FBRSL1: variants seen among roughly 807,000 people sequenced by gnomAD.
FBRSL1 encodes fibrosin like 1, also known as fibrosin-1-like protein.
Under a neutral mutation model 89.6 loss-of-function variants are expected in FBRSL1, and 51 were observed. The observed-to-expected ratio is 0.57, with a 90% CI of 0.45 to 0.72. The LOEUF (loss-of-function observed/expected upper bound fraction) is 0.72, where lower values mean the gene tolerates loss of function less well. Among genes scored for constraint, FBRSL1 ranks in the 30% least tolerant of loss-of-function variants. The pLI, the probability that FBRSL1 is intolerant of heterozygous loss-of-function variation, is 0.00. For synonymous variants in FBRSL1, 779 were observed against 681.1 expected (o/e 1.14, Z -2.24); for missense variants, 1,618 against 1,451.8 (o/e 1.11, Z -1.86).
At chr12:132,580,197 C>T (rs2040650051) in intron 15 of FBRSL1, among the ~76,000 whole-genome samples, 1 of 152,230 alleles carries the variant, frequency 6.6e-6, no homozygotes, top group Non-Finnish European at 1.5e-5. Flanking sequence ...AAGCGATTCT[C>T]CTGCCTCAGC....
Position 132,500,986 on chromosome 12 carries a change from G to T in FBRSL1, c.292-7167G>T, listed in dbSNP as rs555100467. 1.5e-4 allele frequency among the ~76,000 whole-genome samples: 23 copies of T among 152,360 alleles called. No individual in the cohort carries two copies. In the East Asian group the frequency reaches 4.0e-3, roughly 27 times the overall value. On this transcript the variant is annotated intron_variant, in intron 1 of 18. Coordinates refer to ENST00000680143, the MANE Select transcript of FBRSL1 (RefSeq NM_001367871.1). ...CCCCTCACACCCTGTCCTGTGGCCGGCGTGGCTGCGTGCCTCTCCCCAGGG... is the reference window on the plus strand; with the variant it reads ...CCCCTCACACCCTGTCCTGTGGCCGTCGTGGCTGCGTGCCTCTCCCCAGGG...
chr12:132,507,340 A>G (rs2033808954), intron 1 of FBRSL1: 3 of 985,292 alleles, frequency 3.0e-6, no homozygotes, highest in Non-Finnish European at 3.6e-6. Context: ...GACGCGCCGT[A>G]TCTGTCTGCA....
chr12:132,571,440 G>A (rs1026666610), intron 9 of FBRSL1: 15 of 1,550,580 alleles, frequency 9.7e-6, no homozygotes, highest in African/African-American at 5.5e-5. Flanking sequence ...ACCAGCACAC[G>A]CACCAACACA....
chr12:132,539,304 C>T (rs372019418), intron 4 of FBRSL1, among the ~76,000 whole-genome samples: 4 of 152,034 alleles, frequency 2.6e-5, no homozygotes, highest in South Asian at 2.1e-4. Flanking sequence ...TCCCATGCCC[C>T]GGCCCTCCAG....
At chr12:132,507,369 G>GCCTGCACAGCC in intron 1 of FBRSL1, 3 of 985,484 alleles carry the variant, frequency 3.0e-6, no homozygotes, top group Non-Finnish European at 3.6e-6. Flanking sequence ...GGTGCCAGGA[G>GCCTGCACAGCC]CTGAGCCAGC....
intron 4 of FBRSL1, among the ~76,000 whole-genome samples, chr12:132,547,030 C>T (rs187253483): frequency 2.0e-5 from 3 of 152,334 alleles, no homozygotes; most frequent in Non-Finnish European, 4.4e-5. Flanking sequence ...TCCACCAGGT[C>T]ATTCATTCGA....
At chr12:132,511,440 C>T in intron 2 of FBRSL1, 1 of 986,118 alleles carries the variant, frequency 1.0e-6, no homozygotes, top group Non-Finnish European at 1.2e-6. Flanking sequence ...TTGCCACCCC[C>T]TCAGGACCTG....
At chr12:132,522,838 G>A (rs543765176) in intron 2 of FBRSL1, among the ~76,000 whole-genome samples, 18 of 152,332 alleles carry the variant, frequency 1.2e-4, no homozygotes, top group East Asian at 7.7e-4. Context: ...GGCCCTCCCC[G>A]GCCTGCGCTG....
At chr12:132,575,154 TCAC>T (rs1343632353) in intron 14 of FBRSL1, among the ~76,000 whole-genome samples, 1 of 152,142 alleles carries the variant, frequency 6.6e-6, no homozygotes, top group African/African-American at 2.4e-5. Context: ...ATGACGCACG[TCAC>T]CTCCGCACAC....
rs2037695610 is a variant in FBRSL1, at chr12:132,546,472, C to A, written c.616-1531C>A. ...CCCTGAAGGCCAGACCGGGGGAACCCTAGGAGAGGGCTTGGCCACGGCTGA... is the reference window on the plus strand; with the variant it reads ...CCCTGAAGGCCAGACCGGGGGAACCATAGGAGAGGGCTTGGCCACGGCTGA... On this transcript the variant is annotated intron_variant, in intron 4 of 18. Transcript: ENST00000680143. This position sits in a 1 kb window ranked among gnomAD's most constrained non-coding sequence, Gnocchi z 4.0. Among the ~76,000 whole-genome samples the A allele has an allele frequency of 6.6e-6, 1 of 152,082 alleles. No homozygotes were observed. Among genetic ancestry groups the A allele is most frequent in the Admixed American group, 6.5e-5 (1 of 15,278 alleles).
At chr12:132,525,921 C>A in intron 3 of FBRSL1, 98 bp downstream of exon 3, 1 of 976,622 alleles carries the variant, frequency 1.0e-6, no homozygotes, top group Non-Finnish European at 1.5e-6. Context: ...GGGCCGCCTG[C>A]CCACTGTGCC....
At position 132,490,207 on chromosome 12, in the gene FBRSL1, G is replaced by T. The variant is rs1204497064; in HGVS notation, c.-364G>T. ...CGCCTCACGAGCCCGGTGCCCAGGA[G>T]CCCGGCCGCCTCCCGCCTGCCGCCT... is the stretch of plus-strand genomic sequence containing the variant. On this transcript the variant is annotated 5_prime_UTR_variant, in exon 1 of 19. Transcript: ENST00000680143. 6 of 958 alleles carry T rather than the reference G, an allele frequency of 6.3e-3. No individual in the cohort carries two copies. In the African/African-American group the frequency reaches 0.16, roughly 25 times the overall value. 0.1% of individuals were successfully genotyped at this position (958 alleles called of 1,614,324 possible).
In FBRSL1 at chr12:132,564,738, G is replaced by T. The variant is rs759717716; in HGVS notation, c.646-2743G>T. Among the ~76,000 whole-genome samples the T allele has an allele frequency of 1.8e-3, 118 of 67,324 alleles. 29 individuals carry two copies. The highest frequency in any genetic ancestry group is 5.7e-4 in the Admixed American group (3 of 5,308). The allele number at this position is 67,324 out of a possible 152,430, so 44.2% of individuals were successfully genotyped here. On this transcript the variant is annotated intron_variant, in intron 5 of 18. Transcript: ENST00000680143. ...TCTCGATCTCCTGACCTCGTGATCC[G>T]CCCTCCTCGGCCTCCCGAGTAGCTG...
intron 1 of FBRSL1, among the ~76,000 whole-genome samples, chr12:132,502,627 C>T (rs2033130104): frequency 6.6e-6 from 1 of 152,066 alleles, no homozygotes; most frequent in Admixed American, 6.6e-5. Flanking sequence ...TGGACTGGAA[C>T]CCTGGGATAA....
At chr12:132,533,312 G>T (rs1302134979) in intron 4 of FBRSL1, among the ~76,000 whole-genome samples, 4 of 147,090 alleles carry the variant, frequency 2.7e-5, no homozygotes, top group Non-Finnish European at 6.0e-5. Context: ...GAGTCAGAGA[G>T]CCTCAGTCTC....
intron 15 of FBRSL1, among the ~76,000 whole-genome samples, chr12:132,577,745 C>A (rs1162245747): frequency 6.6e-6 from 1 of 152,222 alleles, no homozygotes; most frequent in African/African-American, 2.4e-5. Context: ...GGCACCACTG[C>A]CTGGCACAGG....
chr12:132,535,806 CACGT>C (rs2036664446), intron 4 of FBRSL1, among the ~76,000 whole-genome samples: 1 of 134,412 alleles, frequency 7.4e-6, no homozygotes, highest in African/African-American at 2.9e-5. Context: ...TGCGTGAGTG[CACGT>C]GTGTCCATGA....
intron 2 of FBRSL1, chr12:132,510,562 G>C: frequency 8.1e-7 from 1 of 1,231,018 alleles, no homozygotes. Flanking sequence ...TGCTTTGCCG[G>C]ACTAGCCTGA....
rs112883211 is a variant in FBRSL1 at position 132,577,031 on chromosome 12, C to T, written c.1834+100C>T. The T allele has an allele frequency of 7.0e-4, 1,005 of 1,435,034 alleles. 7 individuals are homozygous for T. The African/African-American group carries it at 8.5e-3, about 12-fold the overall frequency. 88.9% of individuals were successfully genotyped at this position (1,435,034 alleles called of 1,614,324 possible). A position where few individuals can be genotyped will look rare whatever the true frequency, so the allele number is the denominator to read the frequency against. On this transcript the variant is annotated intron_variant, in intron 15 of 18. Transcript: ENST00000680143. ...CCAGGAGTGAGAGCGCTCTCTGGAC[C>T]GCAGCACCAGCCTTTGCTTCTTGAT...
Sources: gnomAD v4.1 joint callset for allele counts (sites outside exome capture counted in the v4.1 genomes callset) on GRCh38, gnomAD v4.1.1 for gene constraint, Gnocchi (gnomAD v3.1) non-coding constraint, MANE v1.5 for transcripts, NCBI Gene and HGNC (gene_info 2026-07-23, HGNC 2026-07-21) for gene names.